Variants in ADCY2 observed in about 807,000 individuals in gnomAD.
The protein encoded by ADCY2 is adenylate cyclase type 2.
In ADCY2, 31 loss-of-function variants were observed where a neutral mutation model predicts 125.2. That is an observed-to-expected ratio of 0.25 (90% confidence interval 0.19 to 0.33). ADCY2 has a LOEUF of 0.33. Among genes scored for constraint, ADCY2 ranks in the 10% least tolerant of loss-of-function variants. The probability of loss-of-function intolerance (pLI) is 1.00; values close to 1 mark genes in which losing one functional copy is unlikely to be tolerated. For missense variants in ADCY2, 904 were observed against 1,418.2 expected (o/e 0.64, Z 5.82); for synonymous variants, 512 against 548.4 (o/e 0.93, Z 0.93).
chr5:7,690,776 C>T lies in ADCY2; in HGVS notation c.806C>T (p.Ala269Val), dbSNP rs755729905. The T allele has an allele frequency of 2.0e-5, 33 of 1,610,128 alleles. No homozygotes were observed. In the Admixed American group the frequency reaches 3.0e-4, roughly 15 times the overall value. The change falls in exon 5 of 25, where the codon GCG becomes GTG. Residue 269 changes from alanine (A) to valine (V), a missense_variant. Ala to Val is a moderately conservative substitution (Grantham distance 64). Around this residue, in one of 7 missense-constraint regions of ADCY2, gnomAD observed 117 missense variants for 248.0 expected, o/e 0.47. Transcript: ENST00000338316. ...ATCCAGAGGCTGCAGGGCCCCAAGG[C>T]GGGCCAGATGGAGAACACAAATAAC... ...EIIQRLQGPK[A>V]GQMENTNNFH...
At chr5:7,560,696 GT>G (rs138846066) in intron 3 of ADCY2, among the ~76,000 whole-genome samples, 99 of 149,104 alleles carry the variant, frequency 6.6e-4, no homozygotes, top group African/African-American at 2.1e-3. Context: ...TCACTAACAG[GT>G]TTTTTTTTTG....
intron 5 of ADCY2, among the ~76,000 whole-genome samples, chr5:7,693,406 GTT>G (rs139450063): frequency 1.7e-5 from 1 of 58,656 alleles, no homozygotes; most frequent in Admixed American, 1.8e-4. Flanking sequence ...ATTGCCTGCT[GTT>G]TTTTGTTTTT....
intron 3 of ADCY2, among the ~76,000 whole-genome samples, chr5:7,521,612 G>A (rs1744448596): frequency 6.6e-6 from 1 of 152,204 alleles, no homozygotes; most frequent in Non-Finnish European, 1.5e-5. Flanking sequence ...ATAAAATGCA[G>A]TGGGGCTGAG....
chr5:7,763,056 T>TTTG (rs1560962881), intron 16 of ADCY2, among the ~76,000 whole-genome samples: 4 of 106,572 alleles, frequency 3.8e-5, no homozygotes, highest in Non-Finnish European at 4.1e-5. Context: ...GTTTTTTTTG[T>TTTG]TTGTTTGTTT....
At chr5:7,715,554 C>T (rs1741568290) in intron 11 of ADCY2, among the ~76,000 whole-genome samples, 1 of 145,078 alleles carries the variant, frequency 6.9e-6, no homozygotes, top group Non-Finnish European at 1.5e-5. Flanking sequence ...GGATTCCTTG[C>T]TTTTTTTTTT....
At chr5:7,478,928 A>T (rs1742616689) in intron 2 of ADCY2, among the ~76,000 whole-genome samples, 1 of 152,168 alleles carries the variant, frequency 6.6e-6, no homozygotes, top group Non-Finnish European at 1.5e-5. Context: ...CGTGTCATTT[A>T]TACAGGTAAA....
At chr5:7,796,890 C>A (rs897644473) in intron 20 of ADCY2, 2 of 152,226 alleles carry the variant, frequency 1.3e-5, no homozygotes, top group East Asian at 3.9e-4. Context: ...GTCACCAAAT[C>A]GACCCCGTGC....
intron 3 of ADCY2, among the ~76,000 whole-genome samples, chr5:7,568,024 G>A (rs1735960239): frequency 6.6e-6 from 1 of 151,712 alleles, no homozygotes; most frequent in South Asian, 2.1e-4. Context: ...CATTAGAGCT[G>A]GTTCTATCCA....
intron 14 of ADCY2, among the ~76,000 whole-genome samples, chr5:7,740,887 A>G (rs1289702530): frequency 6.6e-6 from 1 of 152,102 alleles, no homozygotes; most frequent in African/African-American, 2.4e-5. Flanking sequence ...TGACAATCCA[A>G]GATAAAGTAT....
chr5:7,410,278 T>C (rs1341938530), intron 1 of ADCY2, among the ~76,000 whole-genome samples: 1 of 152,024 alleles, frequency 6.6e-6, no homozygotes, highest in Non-Finnish European at 1.5e-5. Context: ...AGAAAGGCAG[T>C]ATTTTACATT....
At chr5:7,530,539 C>T (rs1424052352) in intron 3 of ADCY2, among the ~76,000 whole-genome samples, 1 of 152,096 alleles carries the variant, frequency 6.6e-6, no homozygotes, top group African/African-American at 2.4e-5. Flanking sequence ...GTAGGTATGA[C>T]CCACTGCCGC....
At chr5:7,502,866 G>A (rs1035515202) in intron 2 of ADCY2, among the ~76,000 whole-genome samples, 9 of 152,138 alleles carry the variant, frequency 5.9e-5, no homozygotes, top group Admixed American at 5.2e-4. Context: ...TCTCTAGCAC[G>A]ATGCTTTGCA....
At chr5:7,603,551 A>G (rs1579227546) in intron 3 of ADCY2, among the ~76,000 whole-genome samples, 2 of 152,164 alleles carry the variant, frequency 1.3e-5, no homozygotes, top group South Asian at 4.1e-4. Flanking sequence ...TGGTGGTGTA[A>G]CCACCTCCTT....
At chr5:7,559,992 A>G (rs1735657805) in intron 3 of ADCY2, among the ~76,000 whole-genome samples, 1 of 152,226 alleles carries the variant, frequency 6.6e-6, no homozygotes, top group Non-Finnish European at 1.5e-5. Flanking sequence ...ATAACAACTA[A>G]TAAGTGTCCA....
At chr5:7,762,815 T>C (rs1053913211) in intron 16 of ADCY2, among the ~76,000 whole-genome samples, 5 of 152,250 alleles carry the variant, frequency 3.3e-5, no homozygotes, top group African/African-American at 1.2e-4. Flanking sequence ...CCAGTGAGAC[T>C]AATCCAGGCA....
At chr5:7,547,710 T>C (rs1735192950) in intron 3 of ADCY2, among the ~76,000 whole-genome samples, 1 of 152,246 alleles carries the variant, frequency 6.6e-6, no homozygotes, top group African/African-American at 2.4e-5. Flanking sequence ...CGTTTTGTAG[T>C]GAGTAGATGT....
intron 16 of ADCY2, among the ~76,000 whole-genome samples, chr5:7,761,039 C>G (rs542800116): frequency 7.9e-5 from 12 of 151,604 alleles, no homozygotes; most frequent in Middle Eastern, 3.4e-3. Flanking sequence ...GCATAATGTT[C>G]TGCATATCCA....
intron 2 of ADCY2, among the ~76,000 whole-genome samples, chr5:7,436,781 A>G (rs1322489410): frequency 6.6e-6 from 1 of 152,210 alleles, no homozygotes; most frequent in African/African-American, 2.4e-5. Flanking sequence ...ATAACATGCC[A>G]GGCGTGTGCA....
intron 2 of ADCY2, among the ~76,000 whole-genome samples, chr5:7,455,838 T>C (rs1387030098): frequency 6.8e-6 from 1 of 146,090 alleles, no homozygotes; most frequent in African/African-American, 2.5e-5. Context: ...GCATACTACA[T>C]ATTTATAATA....
Sources: gnomAD v4.1 joint callset for allele counts (sites outside exome capture counted in the v4.1 genomes callset) on GRCh38, gnomAD v4.1.1 for gene constraint, gnomAD v4.1.1 regional missense constraint, MANE v1.5 for transcripts, NCBI Gene and HGNC (gene_info 2026-07-23, HGNC 2026-07-21) for gene names.